PRKCA: variants seen among roughly 807,000 people sequenced by gnomAD.
The protein encoded by PRKCA is protein kinase C alpha.
A neutral mutation model predicts 87.0 loss-of-function variants in PRKCA; 27 were observed. The ratio of observed to expected loss-of-function variants is 0.31; its 90% CI spans 0.23 to 0.43. The LOEUF (loss-of-function observed/expected upper bound fraction) is 0.43, where lower values mean the gene tolerates loss of function less well. Among genes scored for constraint, PRKCA ranks in the 20% least tolerant of loss-of-function variants. PRKCA has a pLI of 1.00. For synonymous variants in PRKCA, 329 were observed against 311.1 expected, an observed-to-expected ratio of 1.06 and a Z score of -0.61; for missense variants, 518 against 852.3, an observed-to-expected ratio of 0.61 and a Z score of 4.88.
chr17:66,309,334 GAAGTACTA>G (rs1485583738), intron 2 of PRKCA, among the ~76,000 whole-genome samples: 1 of 152,176 alleles, frequency 6.6e-6, no homozygotes, highest in Non-Finnish European at 1.5e-5. Context: ...ACAAGCATGT[GAAGTACTA>G]AAGTTATTTC....
chr17:66,652,633 G>A (rs990980421), intron 5 of PRKCA, among the ~76,000 whole-genome samples: 4 of 152,170 alleles, frequency 2.6e-5, no homozygotes, highest in African/African-American at 9.7e-5. Flanking sequence ...CGGAATAATA[G>A]TGACTCTAGA....
intron 2 of PRKCA, among the ~76,000 whole-genome samples, chr17:66,367,913 A>G (rs1184862220): frequency 1.3e-5 from 2 of 152,212 alleles, no homozygotes; most frequent in Non-Finnish European, 2.9e-5. Flanking sequence ...CTAAATAAGC[A>G]CTTAAGAGGT....
intron 5 of PRKCA, among the ~76,000 whole-genome samples, chr17:66,673,501 C>G (rs1972247926): frequency 6.6e-6 from 1 of 152,156 alleles, no homozygotes; most frequent in Admixed American, 6.5e-5. Flanking sequence ...TTTAGTGTAT[C>G]TCATTATTCT....
chr17:66,671,872 C>T (rs9916446), intron 5 of PRKCA, among the ~76,000 whole-genome samples: 3,122 of 152,210 alleles, frequency 0.021, 105 homozygotes, highest in African/African-American at 0.071. Context: ...ACAGAGCGAA[C>T]ATTAACAAAC....
Position 66,562,138 on chromosome 17 carries a change from T to TATATATAATTAA in PRKCA, c.288+65862_288+65863insATTAAATATATA, listed in dbSNP as rs1555619822. 1.7e-4 allele frequency among the ~76,000 whole-genome samples: 3 copies of TATATATAATTAA among 17,450 alleles called. 1 individual carries two copies. Among genetic ancestry groups the TATATATAATTAA allele is most frequent in the African/African-American group, 1.3e-3 (3 of 2,332 alleles). The allele number at this position is 17,450 out of a possible 152,430, so 11.4% of individuals were successfully genotyped here. A position where few individuals can be genotyped will look rare whatever the true frequency, so the allele number is the denominator to read the frequency against. ...TATAATTAAATATATATAATTAAAT[T>TATATATAATTAA]ATATATATAATTAAATTATATATAT... On this transcript the variant is annotated intron_variant, in intron 3 of 16. Coordinates refer to ENST00000413366, the MANE Select transcript of PRKCA (RefSeq NM_002737.3).
intron 3 of PRKCA, 70 bp downstream of exon 3, chr17:66,496,353 G>A: frequency 7.5e-7 from 1 of 1,336,800 alleles, no homozygotes; most frequent in East Asian, 2.3e-5. Flanking sequence ...TAACGCCTGT[G>A]CAACTGTTAG....
intron 2 of PRKCA, among the ~76,000 whole-genome samples, chr17:66,348,562 A>G (rs911462456): frequency 2.0e-5 from 3 of 152,250 alleles, no homozygotes; most frequent in African/African-American, 7.2e-5. Context: ...GAAACATCAC[A>G]TTAAAATTCA....
rs537014458 is a variant in PRKCA at position 66,604,920 on chromosome 17, A to G, written c.289-36435A>G. Among the ~76,000 whole-genome samples, 5 of 151,834 alleles carry G rather than the reference A, an allele frequency of 3.3e-5. No individual in the cohort carries two copies. The East Asian group carries it at 9.7e-4, about 30-fold the overall frequency. ...AAGTTGTTTCTTGGCAGAAACATGG[A>G]GATTGTTAAACCAGGATGGTAAAGA... On this transcript the variant is annotated intron_variant, in intron 3 of 16. Transcript: ENST00000413366.
At chr17:66,657,200 T>TA (rs1165170293) in intron 5 of PRKCA, among the ~76,000 whole-genome samples, 1 of 152,272 alleles carries the variant, frequency 6.6e-6, no homozygotes, top group East Asian at 1.9e-4. Flanking sequence ...AGGGACTTTT[T>TA]ATACTGAGAA....
intron 3 of PRKCA, among the ~76,000 whole-genome samples, chr17:66,608,289 C>A (rs973963827): frequency 6.6e-6 from 1 of 152,174 alleles, no homozygotes; most frequent in African/African-American, 2.4e-5. Flanking sequence ...GAGGGCCTCA[C>A]TCTGGTTCCA....
At chr17:66,658,922 G>A (rs1311513499) in intron 5 of PRKCA, among the ~76,000 whole-genome samples, 2 of 152,170 alleles carry the variant, frequency 1.3e-5, no homozygotes, top group Non-Finnish European at 2.9e-5. Context: ...GCAAGACACA[G>A]GAACACACTG....
chr17:66,556,323 C>CTT (rs61549626), intron 3 of PRKCA, among the ~76,000 whole-genome samples: 46,617 of 128,708 alleles, frequency 0.36, 8,344 homozygotes, highest in South Asian at 0.5. Context: ...CTTTCTTCTT[C>CTT]TTTTTTTTTT....
chr17:66,323,973 A>G (rs1042364966), intron 2 of PRKCA, among the ~76,000 whole-genome samples: 1 of 152,086 alleles, frequency 6.6e-6, no homozygotes, highest in Admixed American at 6.6e-5. Context: ...CGTTATAGCC[A>G]TTTACTTGTC....
At chr17:66,797,292 G>A (rs898812619) in intron 16 of PRKCA, among the ~76,000 whole-genome samples, 19 of 152,214 alleles carry the variant, frequency 1.2e-4, no homozygotes, top group African/African-American at 4.6e-4. Context: ...TCCACCCAGA[G>A]TCCGTGTCAT....
chr17:66,771,006 C>CTTT (rs5821504), intron 13 of PRKCA, among the ~76,000 whole-genome samples: 8 of 141,742 alleles, frequency 5.6e-5, no homozygotes, highest in Non-Finnish European at 9.2e-5. Context: ...GGCAATGTGT[C>CTTT]TTTTTTTTTT....
At position 66,302,845 on chromosome 17, in the gene PRKCA, G is replaced by A. The variant is rs773996857; in HGVS notation, c.-7G>A. 8 of 1,592,506 alleles carry A rather than the reference G, an allele frequency of 5.0e-6. No individual in the cohort carries two copies. Among genetic ancestry groups the A allele is most frequent in the South Asian group, 1.1e-5 (1 of 88,620 alleles). On this transcript the variant is annotated 5_prime_UTR_variant, in exon 1 of 17. Coordinates refer to ENST00000413366, the MANE Select transcript of PRKCA (RefSeq NM_002737.3). ...CCGGCGGAGGCAAGAGGTGGTTGGGGGGGACCATGGCTGACGTTTTCCCGG... is the reference window on the plus strand; with the variant it reads ...CCGGCGGAGGCAAGAGGTGGTTGGGAGGGACCATGGCTGACGTTTTCCCGG...
At chr17:66,737,143 G>A (rs1465156483) in intron 10 of PRKCA, among the ~76,000 whole-genome samples, 1 of 150,982 alleles carries the variant, frequency 6.6e-6, no homozygotes, top group Non-Finnish European at 1.5e-5. Flanking sequence ...ACGAGATCAG[G>A]AGATCGAGAC....
At chr17:66,733,492 T>TA (rs2144206459) in intron 9 of PRKCA, among the ~76,000 whole-genome samples, 1 of 152,282 alleles carries the variant, frequency 6.6e-6, no homozygotes, top group East Asian at 1.9e-4. Flanking sequence ...GACTTAGCAT[T>TA]AAAATGAGGT....
At chr17:66,468,151 T>G (rs986938640) in intron 2 of PRKCA, among the ~76,000 whole-genome samples, 2 of 152,260 alleles carry the variant, frequency 1.3e-5, no homozygotes, top group African/African-American at 4.8e-5. Context: ...AGCACATATT[T>G]TCCATTCGAC....
Sources: allele counts gnomAD v4.1 joint callset (sites outside exome capture counted in the v4.1 genomes callset), GRCh38; gene constraint gnomAD v4.1.1; transcripts MANE v1.5; gene names NCBI Gene and HGNC (gene_info 2026-07-23, HGNC 2026-07-21).